MAP3K20: variants seen among roughly 807,000 people sequenced by gnomAD.
MAP3K20 encodes the protein HCCS-4.
MAP3K20 carries 40 observed loss-of-function variants against 85.7 expected under a neutral mutation model. The observed-to-expected ratio is 0.47, with a 90% CI of 0.36 to 0.61. The LOEUF is 0.61. Among genes scored for constraint, MAP3K20 ranks in the 20% least tolerant of loss-of-function variants. The probability of loss-of-function intolerance (pLI) is 0.00; values close to 1 mark genes in which losing one functional copy is unlikely to be tolerated. For missense variants in MAP3K20, 817 were observed against 961.7 expected (o/e 0.85, Z 1.99); for synonymous variants, 325 against 327.7 (o/e 0.99, Z 0.09).
At chr2:173,078,853 A>G (rs1686937196) in intron 1 of MAP3K20, among the ~76,000 whole-genome samples, 1 of 152,254 alleles carries the variant, frequency 6.6e-6, no homozygotes, top group Non-Finnish European at 1.5e-5. Context: ...ATGATATGGT[A>G]GAAAACAATG....
chr2:173,196,040 A>T (rs1232051976), intron 7 of MAP3K20, among the ~76,000 whole-genome samples: 1 of 151,504 alleles, frequency 6.6e-6, no homozygotes, highest in Admixed American at 6.6e-5. Flanking sequence ...TTTGCAATTT[A>T]CTTCACAAAA....
intron 2 of MAP3K20, among the ~76,000 whole-genome samples, chr2:173,121,632 C>G (rs968532670): frequency 6.6e-6 from 1 of 152,124 alleles, no homozygotes; most frequent in African/African-American, 2.4e-5. Context: ...CGTGATCCGC[C>G]CGCCTTGGCC....
At position 173,266,330 on chromosome 2, in the gene MAP3K20, TG is replaced by T; in HGVS notation, c.1985del (p.Gly662AlafsTer170). 1.9e-6 allele frequency: 3 copies of T among 1,614,088 alleles called. No homozygotes were observed. Among genetic ancestry groups the T allele is most frequent in the Non-Finnish European group, 1.7e-6 (2 of 1,180,030 alleles). The stretch of plus-strand genomic sequence containing the variant: ...ACTCTAGGGACAGTGGCTTTTCCAG[TG>T]GCAATACTGACACCTCTTCAGAGAG... ...LNSRDSGFSS[G>X]NTDTSSERGR... On this transcript the variant is annotated frameshift_variant, in exon 20 of 20. Coordinates refer to ENST00000375213, the MANE Select transcript of MAP3K20 (RefSeq NM_016653.3). LOFTEE classifies it low-confidence loss of function (END_TRUNC).
rs199685558 is a variant in MAP3K20, at chr2:173,091,224, G to A, written c.159+34G>A. 10 of 1,596,688 alleles carry A rather than the reference G, an allele frequency of 6.3e-6. No individual in the cohort carries two copies. In the Admixed American group the frequency reaches 6.9e-5, roughly 11 times the overall value. ...TTTTCCAGCTGACAGAAACAGTCAC[G>A]ATACCATTTATGTAAGCTTTTTCAA... On this transcript the variant is annotated intron_variant, in intron 2 of 19. Coordinates refer to ENST00000375213, the MANE Select transcript of MAP3K20 (RefSeq NM_016653.3).
At chr2:173,094,556 G>A (rs1687404968) in intron 2 of MAP3K20, among the ~76,000 whole-genome samples, 2 of 152,128 alleles carry the variant, frequency 1.3e-5, no homozygotes, top group African/African-American at 2.4e-5. Flanking sequence ...TGTTTAGCCC[G>A]GCTTAATCTG....
rs141901534 is a variant in MAP3K20 at position 173,090,908 on chromosome 2, C to T, written c.-34-90C>T. 6.3e-5 allele frequency: 88 copies of T among 1,399,756 alleles called. 1 individual carries two copies. The East Asian group carries it at 2.1e-3, about 33-fold the overall frequency. The allele number at this position is 1,399,756 out of a possible 1,614,324, so 86.7% of individuals were successfully genotyped here. ...GTGACTTTCTGGAAGTTTCACAGGA[C>T]TCGTTCATGATATATTATCTAAAGT... On this transcript the variant is annotated intron_variant, in intron 1 of 19. Transcript: ENST00000375213.
At chr2:173,103,246 G>A (rs185585420) in intron 2 of MAP3K20, among the ~76,000 whole-genome samples, 7 of 152,168 alleles carry the variant, frequency 4.6e-5, no homozygotes, top group Admixed American at 2.6e-4. Context: ...TAAAGCCTAG[G>A]CCTCTAAGTG....
chr2:173,113,815 C>T (rs966853711), intron 2 of MAP3K20, among the ~76,000 whole-genome samples: 2 of 152,102 alleles, frequency 1.3e-5, no homozygotes, highest in Non-Finnish European at 1.5e-5. Flanking sequence ...ATCATATGGT[C>T]TATCTTGGAG....
chr2:173,107,416 G>A (rs76094012), intron 2 of MAP3K20, among the ~76,000 whole-genome samples: 4 of 152,154 alleles, frequency 2.6e-5, no homozygotes, highest in Admixed American at 6.5e-5. Flanking sequence ...GAATACATGC[G>A]GTCCTGTAGG....
intron 8 of MAP3K20, among the ~76,000 whole-genome samples, chr2:173,203,459 C>T (rs1438530342): frequency 6.6e-6 from 1 of 152,162 alleles, no homozygotes; most frequent in Non-Finnish European, 1.5e-5. Flanking sequence ...TGCCTATAAA[C>T]ATACAGTGAC....
chr2:173,146,738 A>G (rs936866165), intron 2 of MAP3K20, among the ~76,000 whole-genome samples: 3 of 152,218 alleles, frequency 2.0e-5, no homozygotes. Context: ...AGTAGAAGTG[A>G]TGAGTCACAT....
chr2:173,265,784 G>A (rs1230961264), intron 19 of MAP3K20, among the ~76,000 whole-genome samples: 1 of 152,162 alleles, frequency 6.6e-6, no homozygotes, highest in Non-Finnish European at 1.5e-5. Context: ...TACCTAAGAA[G>A]ATTACTGAGA....
intron 2 of MAP3K20, among the ~76,000 whole-genome samples, chr2:173,133,057 A>G (rs1288377707): frequency 6.6e-6 from 1 of 152,204 alleles, no homozygotes; most frequent in East Asian, 1.9e-4. Context: ...GGTGATAGAG[A>G]TATATAAAAT....
chr2:173,134,459 G>T (rs1174572783), intron 2 of MAP3K20, among the ~76,000 whole-genome samples: 1 of 56,390 alleles, frequency 1.8e-5, no homozygotes, highest in Non-Finnish European at 3.7e-5. Flanking sequence ...CAGAGACGGG[G>T]TTTCGCCATG....
intron 2 of MAP3K20, among the ~76,000 whole-genome samples, chr2:173,115,337 G>A (rs1688089606): frequency 6.6e-6 from 1 of 152,042 alleles, no homozygotes; most frequent in Non-Finnish European, 1.5e-5. Context: ...GGACTTCCTT[G>A]CATTGGGTAT....
chr2:173,200,754 T>G (rs1409798558), intron 8 of MAP3K20, among the ~76,000 whole-genome samples: 1 of 152,094 alleles, frequency 6.6e-6, no homozygotes, highest in Non-Finnish European at 1.5e-5. Flanking sequence ...ATCATACCAC[T>G]GCACTCCAGC....
intron 1 of MAP3K20, among the ~76,000 whole-genome samples, chr2:173,081,105 T>TTTTTTAA (rs1687001220): frequency 6.6e-6 from 1 of 152,208 alleles, no homozygotes; most frequent in Non-Finnish European, 1.5e-5. Context: ...TAAAAATTTA[T>TTTTTTAA]GTGGATTTTG....
chr2:173,088,955 TA>T (rs1310854409), intron 1 of MAP3K20, among the ~76,000 whole-genome samples: 4 of 152,298 alleles, frequency 2.6e-5, no homozygotes, highest in Admixed American at 2.6e-4. Flanking sequence ...GATGAACAAA[TA>T]ACCCTTCCTC....
intron 1 of MAP3K20, chr2:173,090,689 TAGC>T (rs1687268420): frequency 4.9e-6 from 5 of 1,013,846 alleles, no homozygotes; most frequent in Non-Finnish European, 5.9e-6. Flanking sequence ...GGTGACACAG[TAGC>T]CTTTCGGCAG....
Sources: allele counts gnomAD v4.1 joint callset (sites outside exome capture counted in the v4.1 genomes callset), GRCh38; gene constraint gnomAD v4.1.1; transcripts MANE v1.5; gene names NCBI Gene and HGNC (gene_info 2026-07-23, HGNC 2026-07-21).